The following CDH3 variants were observed in gnomAD, a reference collection of about 807,000 sequenced individuals.
The protein encoded by CDH3 is cadherin 3, also known as cadherin-3.
CDH3 carries 54 observed loss-of-function variants against 82.0 expected under a neutral mutation model. The ratio of observed to expected loss-of-function variants is 0.66; its 90% confidence interval spans 0.53 to 0.83. CDH3 has a LOEUF of 0.83. Among genes scored for constraint, CDH3 ranks in the 40% least tolerant of loss-of-function variants. The probability of loss-of-function intolerance (pLI) is 0.00; values close to 1 mark genes in which losing one functional copy is unlikely to be tolerated. For synonymous variants in CDH3, 446 were observed against 437.9 expected, an observed-to-expected ratio of 1.02 and a Z score of -0.23; for missense variants, 1,054 against 1,084.6, an observed-to-expected ratio of 0.97 and a Z score of 0.40.
intron 2 of CDH3, among the ~76,000 whole-genome samples, chr16:68,667,106 C>T (rs1252278849): frequency 1.3e-5 from 2 of 152,104 alleles, no homozygotes; most frequent in Non-Finnish European, 2.9e-5. Flanking sequence ...ACAGCACTTG[C>T]CCTTTTAATT....
chr16:68,682,345 A>T lies in CDH3; in HGVS notation c.1040A>T (p.Gln347Leu). 3 of 1,614,046 alleles carry T rather than the reference A, an allele frequency of 1.9e-6. No homozygotes were observed. Among genetic ancestry groups the T allele is most frequent in the Non-Finnish European group, 2.5e-6 (3 of 1,180,026 alleles). The change falls in exon 9 of 16, where the codon CAG becomes CTG. Residue 347 changes from glutamine (Q) to leucine (L), a missense_variant. Coordinates refer to ENST00000264012, the MANE Select transcript of CDH3 (RefSeq NM_001793.6). Reference protein sequence around the residue: ...VPENAVGHEVQRLTVTDLDAP... With the variant: ...VPENAVGHEVLRLTVTDLDAP... ...GAGAATGCAGTGGGCCATGAGGTGC[A>T]GAGGCTGACGGTCACTGATCTGGAC...
chr16:68,684,473 A>G, intron 9 of CDH3, 110 bp from the exon 10 acceptor site: 2 of 1,252,086 alleles, frequency 1.6e-6, no homozygotes, highest in South Asian at 2.4e-5. Context: ...GTTGCTAGTG[A>G]GGGCCTCAAG....
At chr16:68,702,920 TTC>T (rs1961914734), downstream of CDH3, among the ~76,000 whole-genome samples, 1 of 151,634 alleles carries the variant, frequency 6.6e-6, no homozygotes, top group Non-Finnish European at 1.5e-5. Context: ...CCAGAGAGCC[TTC>T]TCTCTAGCCT....
intron 2 of CDH3, among the ~76,000 whole-genome samples, chr16:68,673,057 C>T (rs535473978): frequency 6.6e-6 from 1 of 152,296 alleles, no homozygotes. Context: ...TACCCATTCT[C>T]CCTCATTGTT....
intron 2 of CDH3, among the ~76,000 whole-genome samples, chr16:68,652,995 T>C (rs191671445): frequency 1.3e-3 from 195 of 152,270 alleles, no homozygotes; most frequent in Non-Finnish European, 3.5e-4. Context: ...TGCACCCCTA[T>C]TTGTTAGTTA....
intron 12 of CDH3, among the ~76,000 whole-genome samples, chr16:68,689,842 GGTGGGGGTAGAAAC>G (rs1469997063): frequency 3.3e-5 from 5 of 151,980 alleles, no homozygotes; most frequent in African/African-American, 1.2e-4. Flanking sequence ...CCGGGGAGGG[GGTGGGGGTAGAAAC>G]GTGGGGGTTG....
At chr16:68,721,783 C>T (rs1450064794) in intron 1 of CDH3, among the ~76,000 whole-genome samples, 1 of 152,132 alleles carries the variant, frequency 6.6e-6, no homozygotes, top group Non-Finnish European at 1.5e-5. Flanking sequence ...AATAATAATA[C>T]ATAATTGTTA....
chr16:68,653,620 C>T (rs1440227619), intron 2 of CDH3, among the ~76,000 whole-genome samples: 6 of 151,996 alleles, frequency 3.9e-5, no homozygotes, highest in African/African-American at 1.4e-4. Flanking sequence ...TATCCTGATG[C>T]TTGCTTCTTT....
chr16:68,664,659 ATATTAT>A (rs956486694), intron 2 of CDH3, among the ~76,000 whole-genome samples: 2 of 152,000 alleles, frequency 1.3e-5, no homozygotes, highest in African/African-American at 4.8e-5. Flanking sequence ...CATTTTATTG[ATATTAT>A]TATTATTATT....
At chr16:68,686,304 C>T (rs953886946) in intron 11 of CDH3, 4 of 766,450 alleles carry the variant, frequency 5.2e-6, no homozygotes, top group Middle Eastern at 2.7e-4. Flanking sequence ...TTTCACGTGT[C>T]GCCAGGGTCA....
chr16:68,673,690 C>A (rs992187068), intron 2 of CDH3, among the ~76,000 whole-genome samples: 1 of 152,142 alleles, frequency 6.6e-6, no homozygotes. Context: ...CTTTGGGAGG[C>A]CAGGCGGGTG....
chr16:68,658,402 A>G (rs1960466861), intron 2 of CDH3, among the ~76,000 whole-genome samples: 1 of 152,066 alleles, frequency 6.6e-6, no homozygotes, highest in African/African-American at 2.4e-5. Context: ...ACTGAGTCCA[A>G]GCTCCTCAGC....
chr16:68,701,695 G>C (rs1166856548), downstream of CDH3, among the ~76,000 whole-genome samples: 1 of 151,810 alleles, frequency 6.6e-6, no homozygotes, highest in East Asian at 2.0e-4. Flanking sequence ...ACAGGCGCCT[G>C]CCACTATGCC....
chr16:68,694,252 G>T (rs1354472227), intron 13 of CDH3, among the ~76,000 whole-genome samples: 18 of 147,530 alleles, frequency 1.2e-4, no homozygotes, highest in Non-Finnish European at 2.7e-4. Flanking sequence ...GGCAGAGGTT[G>T]CAGTGAGCCA....
chr16:68,718,942 T>C (rs189992492), intron 1 of CDH3, among the ~76,000 whole-genome samples: 2 of 152,024 alleles, frequency 1.3e-5, no homozygotes, highest in African/African-American at 2.4e-5. Context: ...GGAAGACTAT[T>C]AAGAAAAAAA....
chr16:68,660,094 G>A (rs1035400048), intron 2 of CDH3, among the ~76,000 whole-genome samples: 1 of 152,058 alleles, frequency 6.6e-6, no homozygotes, highest in Non-Finnish European at 1.5e-5. Context: ...TGGATTTTTA[G>A]CAATCTAACT....
rs576113117 is a variant in CDH3 at position 68,685,603 on chromosome 16, C to T, written c.1570+253C>T. On this transcript the variant is annotated intron_variant, in intron 11 of 15. Transcript: ENST00000264012. Reference sequence around the variant, plus strand: ...GGTAGATCACCTGAGGTCGGGGGTTCGAGACCAGCCTGGCCAACATGGTGA... The same window carrying T: ...GGTAGATCACCTGAGGTCGGGGGTTTGAGACCAGCCTGGCCAACATGGTGA... Among the ~76,000 whole-genome samples, 14 of 152,154 alleles carry T rather than the reference C, an allele frequency of 9.2e-5. 1 individual carries two copies. The South Asian group carries it at 2.5e-3, about 27-fold the overall frequency.
chr16:68,671,250 C>G (rs942072749), intron 2 of CDH3, among the ~76,000 whole-genome samples: 5 of 151,598 alleles, frequency 3.3e-5, no homozygotes, highest in Non-Finnish European at 5.9e-5. Flanking sequence ...CTCAGCCTCC[C>G]AAGTAGCTGG....
chr16:68,697,713 A>G (rs1387051481), intron 15 of CDH3, among the ~76,000 whole-genome samples: 1 of 152,130 alleles, frequency 6.6e-6, no homozygotes, highest in East Asian at 1.9e-4. Flanking sequence ...AATGATAGCT[A>G]TTGTTGCGAG....
Sources: gnomAD v4.1 joint callset for allele counts (sites outside exome capture counted in the v4.1 genomes callset) on GRCh38, gnomAD v4.1.1 for gene constraint, MANE v1.5 for transcripts, NCBI Gene and HGNC (gene_info 2026-07-23, HGNC 2026-07-21) for gene names.